MSI2: variants seen among roughly 807,000 people sequenced by gnomAD.
The protein encoded by MSI2 is musashi RNA binding protein 2.
In MSI2, 17 loss-of-function variants were observed where a neutral mutation model predicts 45.6. The ratio of observed to expected loss-of-function variants is 0.37; its 90% confidence interval spans 0.26 to 0.56. The LOEUF (loss-of-function observed/expected upper bound fraction) is 0.56. Among genes scored for constraint, MSI2 ranks in the 20% least tolerant of loss-of-function variants. MSI2 has a pLI of 0.77. For missense variants in MSI2, 293 were observed against 444.2 expected, an observed-to-expected ratio of 0.66 and a Z score of 3.06; for synonymous variants, 156 against 158.2, an observed-to-expected ratio of 0.99 and a Z score of 0.11.
intron 6 of MSI2, among the ~76,000 whole-genome samples, chr17:57,476,294 T>C (rs1486046679): frequency 6.6e-6 from 1 of 152,174 alleles, no homozygotes; most frequent in African/African-American, 2.4e-5. Flanking sequence ...GCATCCACAC[T>C]GCATTGCAAC....
intron 7 of MSI2, among the ~76,000 whole-genome samples, chr17:57,594,911 G>C (rs1404568142): frequency 3.3e-5 from 5 of 152,210 alleles, no homozygotes. Context: ...TATGCTGGGA[G>C]CACTGGCCCA....
chr17:57,671,435 C>T (rs1432805471), intron 11 of MSI2: 1 of 152,264 alleles, frequency 6.6e-6, no homozygotes, highest in Non-Finnish European at 1.5e-5. Flanking sequence ...GTCCCATCCT[C>T]TCTTCCCAAG....
chr17:57,280,216 T>C lies in MSI2; in HGVS notation c.312+18024T>C, dbSNP rs1394892281. ...TTGCGTTGGCGGGGATAAAAATTCTTATCTTAGGAGGGTTGGGGAAGCCAT... is the reference window on the plus strand; with the variant it reads ...TTGCGTTGGCGGGGATAAAAATTCTCATCTTAGGAGGGTTGGGGAAGCCAT... On this transcript the variant is annotated intron_variant, in intron 5 of 13. Coordinates refer to ENST00000284073, the MANE Select transcript of MSI2 (RefSeq NM_138962.4). This position sits in a 1 kb window ranked among gnomAD's most constrained non-coding sequence, Gnocchi z 4.2. Among the ~76,000 whole-genome samples the C allele has an allele frequency of 6.6e-6, 1 of 152,040 alleles. No individual in the cohort carries two copies. The highest frequency in any genetic ancestry group is 2.4e-5 in the African/African-American group (1 of 41,380).
At chr17:57,481,183 G>A (rs1254965425) in intron 6 of MSI2, among the ~76,000 whole-genome samples, 2 of 152,202 alleles carry the variant, frequency 1.3e-5, no homozygotes, top group South Asian at 4.1e-4. Context: ...GCATTTCCCT[G>A]TTGTTAGTAG....
At chr17:57,311,924 C>A (rs180907365) in intron 5 of MSI2, among the ~76,000 whole-genome samples, 34 of 152,332 alleles carry the variant, frequency 2.2e-4, no homozygotes, top group African/African-American at 7.9e-4. Context: ...TCTGGAACTC[C>A]TGGGATCAAG....
intron 6 of MSI2, among the ~76,000 whole-genome samples, chr17:57,421,652 G>T (rs1234126712): frequency 6.6e-6 from 1 of 152,170 alleles, no homozygotes; most frequent in Non-Finnish European, 1.5e-5. Context: ...GAAGGCCGAG[G>T]TGGGGAGGAT....
At chr17:57,591,744 AAAG>A (rs1242527669) in intron 7 of MSI2, among the ~76,000 whole-genome samples, 1 of 151,914 alleles carries the variant, frequency 6.6e-6, no homozygotes, top group Non-Finnish European at 1.5e-5. Context: ...AAAAAAAAAA[AAAG>A]GAAAATAGAG....
intron 6 of MSI2, among the ~76,000 whole-genome samples, chr17:57,479,254 T>A (rs1226651094): frequency 6.6e-6 from 1 of 152,110 alleles, no homozygotes; most frequent in Non-Finnish European, 1.5e-5. Flanking sequence ...GGAATGGGGC[T>A]TTGAGTGTTG....
rs1913473647 is a variant in MSI2, at chr17:57,679,559, G to A, written c.*42G>A. 3.8e-6 allele frequency: 4 copies of A among 1,057,924 alleles called. No homozygotes were observed. Among genetic ancestry groups the A allele is most frequent in the African/African-American group, 3.3e-5 (2 of 60,702 alleles). 65.5% of individuals were successfully genotyped at this position (1,057,924 alleles called of 1,614,324 possible). A position where few individuals can be genotyped will look rare whatever the true frequency, so the allele number is the denominator to read the frequency against. ...TTCCCTGCCCTGCAGAGCATACCTG[G>A]ATGTCCAGGCAAGACTGGGCGAAGT... is the stretch of plus-strand genomic sequence containing the variant. On this transcript the variant is annotated 3_prime_UTR_variant, in exon 14 of 14. Transcript: ENST00000284073.
intron 6 of MSI2, chr17:57,440,844 T>A (rs2084787067): frequency 6.6e-6 from 1 of 152,214 alleles, no homozygotes; most frequent in Non-Finnish European, 1.5e-5. Flanking sequence ...GTTTCTGGTA[T>A]TTTAAGCCAC....
chr17:57,410,304 C>T, intron 6 of MSI2, among the ~76,000 whole-genome samples: 1 of 152,162 alleles, frequency 6.6e-6, no homozygotes, highest in East Asian at 1.9e-4. Context: ...TTCCTGCGTG[C>T]TCCAGAACAC....
intron 13 of MSI2, among the ~76,000 whole-genome samples, 154 bp from the exon 14 acceptor site, chr17:57,679,395 C>T (rs4793893): frequency 0.87 from 131,994 of 152,258 alleles, 57,351 homozygotes; most frequent in East Asian, 0.98. Flanking sequence ...CCAGGTGATT[C>T]TCGTGCGTAT....
chr17:57,527,351 C>T (rs2332928), intron 6 of MSI2, among the ~76,000 whole-genome samples: 83,454 of 150,016 alleles, frequency 0.56, 23,923 homozygotes, highest in East Asian at 0.69. Flanking sequence ...ACCATATGCT[C>T]GAGTGTGACT....
intron 8 of MSI2, chr17:57,601,356 C>T (rs939721460): frequency 3.9e-5 from 6 of 152,272 alleles, no homozygotes; most frequent in Non-Finnish European, 8.8e-5. Context: ...AAATGTGGCT[C>T]TTTATCAATA....
intron 7 of MSI2, among the ~76,000 whole-genome samples, chr17:57,568,297 G>A (rs533672757): frequency 3.3e-5 from 5 of 152,280 alleles, no homozygotes; most frequent in African/African-American, 1.2e-4. Flanking sequence ...TGGACATTTC[G>A]ATGTGAGTTG....
intron 6 of MSI2, among the ~76,000 whole-genome samples, chr17:57,429,951 A>C (rs971194995): frequency 1.3e-5 from 2 of 152,180 alleles, no homozygotes; most frequent in African/African-American, 4.8e-5. Flanking sequence ...GGGCAAATTC[A>C]TCTGTAAAAT....
At chr17:57,313,028 G>A (rs1396046434) in intron 5 of MSI2, among the ~76,000 whole-genome samples, 2 of 152,072 alleles carry the variant, frequency 1.3e-5, no homozygotes, top group Non-Finnish European at 2.9e-5. Context: ...TGTATTTTTA[G>A]TAGAGACGGG....
rs1905644171 is a variant in MSI2, at chr17:57,599,653, A to G, written c.537+2703A>G. 2.0e-5 allele frequency among the ~76,000 whole-genome samples: 3 copies of G among 152,208 alleles called. 1 individual carries two copies. In the South Asian group the frequency reaches 6.2e-4, roughly 31 times the overall value. ...AGAGAATGAGCAAAGATGGAAGTAG[A>G]CAAGAGGAAGAAGTGGGGGCAGATT... On this transcript the variant is annotated intron_variant, in intron 8 of 13. Coordinates refer to ENST00000284073, the MANE Select transcript of MSI2 (RefSeq NM_138962.4).
At chr17:57,548,898 T>TCCCCCCCCCCCCCCCCCCCCCCCCCCCC (rs758120237) in intron 7 of MSI2, among the ~76,000 whole-genome samples, 3 of 121,300 alleles carry the variant, frequency 2.5e-5, no homozygotes, top group Non-Finnish European at 5.1e-5. Flanking sequence ...TGTTTACCCT[T>TCCCCCCCCCCCCCCCCCCCCCCCCCCCC]CCCCCCCCCA....
Sources: allele counts gnomAD v4.1 joint callset (sites outside exome capture counted in the v4.1 genomes callset), GRCh38; gene constraint gnomAD v4.1.1; non-coding constraint Gnocchi (gnomAD v3.1); transcripts MANE v1.5; gene names NCBI Gene and HGNC (gene_info 2026-07-23, HGNC 2026-07-21).